SGCZ: variants seen among roughly 807,000 people sequenced by gnomAD.
SGCZ encodes zeta-sarcoglycan.
Under a neutral mutation model 41.3 loss-of-function variants are expected in SGCZ, and 40 were observed. The ratio of observed to expected loss-of-function variants is 0.97; its 90% CI spans 0.75 to 1.26. The LOEUF (loss-of-function observed/expected upper bound fraction) is 1.26, where lower values mean the gene tolerates loss of function less well. SGCZ is among the 50% of genes most tolerant of loss of function. The pLI, the probability that SGCZ is intolerant of heterozygous loss-of-function variation, is 0.00. For synonymous variants in SGCZ, 206 were observed against 137.5 expected, an observed-to-expected ratio of 1.50 and a Z score of -3.49; for missense variants, 552 against 369.8, an observed-to-expected ratio of 1.49 and a Z score of -4.04.
At chr8:14,782,480 T>C (rs1396083684) in intron 1 of SGCZ, among the ~76,000 whole-genome samples, 2 of 152,158 alleles carry the variant, frequency 1.3e-5, no homozygotes, top group Non-Finnish European at 2.9e-5. Flanking sequence ...TCCTCTGCAG[T>C]TCAGAATACA....
chr8:14,624,596 A>C (rs1225346766), intron 1 of SGCZ, among the ~76,000 whole-genome samples: 11 of 107,634 alleles, frequency 1.0e-4, no homozygotes, highest in Non-Finnish European at 1.7e-4. Flanking sequence ...TTTGAGACGG[A>C]GTCTCGCTCT....
At chr8:14,833,815 G>A (rs766588133) in intron 1 of SGCZ, among the ~76,000 whole-genome samples, 17 of 104,392 alleles carry the variant, frequency 1.6e-4, no homozygotes, top group Non-Finnish European at 2.4e-4. Context: ...AGCTAGGGAT[G>A]ATCCAGGAAA....
At chr8:14,390,745 C>T (rs749239428) in intron 2 of SGCZ, among the ~76,000 whole-genome samples, 12 of 151,816 alleles carry the variant, frequency 7.9e-5, no homozygotes, top group Non-Finnish European at 1.2e-4. Flanking sequence ...TCTAAGTATG[C>T]ATAATTTTTC....
intron 1 of SGCZ, among the ~76,000 whole-genome samples, chr8:14,815,404 T>A (rs1441788965): frequency 6.6e-6 from 1 of 151,742 alleles, no homozygotes; most frequent in Admixed American, 6.6e-5. Context: ...TGCATGTGGT[T>A]CATAACTACT....
chr8:14,765,541 TC>T (rs1290933243), intron 1 of SGCZ, among the ~76,000 whole-genome samples: 1 of 152,174 alleles, frequency 6.6e-6, no homozygotes, highest in Non-Finnish European at 1.5e-5. Context: ...TGGCAGAGTA[TC>T]CCTCAGAATG....
chr8:14,920,865 G>A (rs1799569366), intron 1 of SGCZ, among the ~76,000 whole-genome samples: 1 of 152,108 alleles, frequency 6.6e-6, no homozygotes, highest in African/African-American at 2.4e-5. Context: ...TTGCTATAGT[G>A]GCACTGTGCT....
chr8:14,754,022 G>GA (rs375607697), intron 1 of SGCZ, among the ~76,000 whole-genome samples: 11 of 151,076 alleles, frequency 7.3e-5, no homozygotes, highest in Non-Finnish European at 1.2e-4. Flanking sequence ...TCTCATATAG[G>GA]AAAAAAAAAG....
At chr8:14,639,105 G>C (rs1806934194) in intron 1 of SGCZ, among the ~76,000 whole-genome samples, 1 of 147,288 alleles carries the variant, frequency 6.8e-6, no homozygotes, top group Non-Finnish European at 1.5e-5. Context: ...GGAGTGCAGT[G>C]GTGCACTCTT....
At chr8:14,977,680 G>C (rs2130874706) in intron 1 of SGCZ, among the ~76,000 whole-genome samples, 1 of 152,088 alleles carries the variant, frequency 6.6e-6, no homozygotes, top group East Asian at 1.9e-4. Flanking sequence ...CCAAAGAAAA[G>C]CCCAAAGTTT....
At chr8:14,161,577 G>C (rs2116977375) in intron 5 of SGCZ, among the ~76,000 whole-genome samples, 1 of 152,256 alleles carries the variant, frequency 6.6e-6, no homozygotes, top group East Asian at 1.9e-4. Context: ...AACATTGTTT[G>C]CTATGGGCAA....
chr8:14,245,310 T>A (rs554285908), intron 3 of SGCZ, among the ~76,000 whole-genome samples: 23 of 152,116 alleles, frequency 1.5e-4, no homozygotes, highest in Non-Finnish European at 2.9e-4. Context: ...AACTATCTGA[T>A]CTTTGACAAA....
Position 14,500,867 on chromosome 8 carries a change from A to T in SGCZ, c.234+53865T>A, listed in dbSNP as rs937838751. ...TAACTCTTATTTTATCTTCTCAAAG[A>T]CAAAAAGTAGTTCAGGAAAAAAACA... On this transcript the variant is annotated intron_variant, in intron 2 of 7. Transcript: ENST00000382080. Among the ~76,000 whole-genome samples the T allele has an allele frequency of 2.0e-5, 3 of 152,102 alleles. No individual in the cohort carries two copies. The East Asian group carries it at 5.8e-4, about 29-fold the overall frequency.
At chr8:14,112,886 A>G (rs989526487) in intron 5 of SGCZ, among the ~76,000 whole-genome samples, 2 of 152,034 alleles carry the variant, frequency 1.3e-5, no homozygotes, top group African/African-American at 2.4e-5. Flanking sequence ...TCAACAGAAA[A>G]TAAATTATTT....
intron 2 of SGCZ, among the ~76,000 whole-genome samples, chr8:14,343,079 G>A (rs550872337): frequency 8.5e-4 from 130 of 152,340 alleles, no homozygotes; most frequent in Non-Finnish European, 1.3e-3. Flanking sequence ...TCCACATGGT[G>A]TTGAGCCTAC....
chr8:14,463,496 T>G (rs988854027), intron 2 of SGCZ, among the ~76,000 whole-genome samples: 23 of 150,678 alleles, frequency 1.5e-4, no homozygotes, highest in African/African-American at 5.6e-4. Context: ...TAACTAAAAA[T>G]TAATCAAAGA....
chr8:14,429,434 G>A (rs920568629), intron 2 of SGCZ, among the ~76,000 whole-genome samples: 5 of 152,114 alleles, frequency 3.3e-5, no homozygotes, highest in African/African-American at 9.7e-5. Flanking sequence ...TGAAATAGGA[G>A]GAGGCCAGCA....
At chr8:14,222,409 C>A (rs1048738177) in intron 4 of SGCZ, among the ~76,000 whole-genome samples, 1 of 151,926 alleles carries the variant, frequency 6.6e-6, no homozygotes, top group Non-Finnish European at 1.5e-5. Context: ...ACCTTGTGAT[C>A]CACCCACCTC....
chr8:14,099,325 C>A (rs1278315993), intron 7 of SGCZ, among the ~76,000 whole-genome samples: 1 of 152,198 alleles, frequency 6.6e-6, no homozygotes, highest in African/African-American at 2.4e-5. Flanking sequence ...TCCCTGATCT[C>A]AATCACATCC....
At chr8:14,372,167 A>T (rs935599365) in intron 2 of SGCZ, among the ~76,000 whole-genome samples, 1 of 152,268 alleles carries the variant, frequency 6.6e-6, no homozygotes, top group Admixed American at 6.5e-5. Flanking sequence ...TCCTAAGGGT[A>T]GTACTCATGG....
Sources: gnomAD v4.1 joint callset for allele counts (sites outside exome capture counted in the v4.1 genomes callset) on GRCh38, gnomAD v4.1.1 for gene constraint, MANE v1.5 for transcripts, NCBI Gene and HGNC (gene_info 2026-07-23, HGNC 2026-07-21) for gene names.